RFTN1: variants seen among roughly 807,000 people sequenced by gnomAD.
RFTN1 encodes raftlin, lipid raft linker 1, also known as raftlin.
A neutral mutation model predicts 46.5 loss-of-function variants in RFTN1; 26 were observed. That is an observed-to-expected ratio of 0.56 (90% CI 0.41 to 0.78). RFTN1 has a LOEUF of 0.78. RFTN1 is among the 30% of genes least tolerant of loss of function. The pLI is 0.00. For synonymous variants in RFTN1, 261 were observed against 284.2 expected, an observed-to-expected ratio of 0.92 and a Z score of 0.82; for missense variants, 693 against 718.7, an observed-to-expected ratio of 0.96 and a Z score of 0.41.
At position 16,484,242 on chromosome 3, in the gene RFTN1, T is replaced by G. The variant is rs1292857891; in HGVS notation, c.145+9483A>C. Among the ~76,000 whole-genome samples the G allele has an allele frequency of 6.6e-6, 1 of 152,202 alleles. No homozygotes were observed. Among genetic ancestry groups the G allele is most frequent in the African/African-American group, 2.4e-5 (1 of 41,444 alleles). ...GAAGGGAGACTGAAAGGACAACTCT[T>G]ATAAACAATGATTATCAGCTGCTTC... On this transcript the variant is annotated intron_variant, in intron 2 of 9. Transcript: ENST00000334133. The surrounding 1 kb of genome is among the most constrained non-coding windows in gnomAD (Gnocchi z 4.6).
chr3:16,390,822 T>C (rs28499445), intron 4 of RFTN1, among the ~76,000 whole-genome samples: 1,635 of 152,304 alleles, frequency 0.011, 24 homozygotes, highest in African/African-American at 0.036. Context: ...TGGGAAGTCA[T>C]TGGAAACAAA....
At chr3:16,398,384 G>A (rs552129865) in intron 4 of RFTN1, among the ~76,000 whole-genome samples, 4 of 152,002 alleles carry the variant, frequency 2.6e-5, no homozygotes, top group Admixed American at 2.6e-4. Context: ...GCAATCAAGA[G>A]CCATTGGCTT....
chr3:16,423,460 G>GTTTTAGAAGAC (rs2075231473), intron 3 of RFTN1, among the ~76,000 whole-genome samples: 2 of 152,190 alleles, frequency 1.3e-5, no homozygotes, highest in South Asian at 4.1e-4. Flanking sequence ...AACAATTAAA[G>GTTTTAGAAGAC]AGGAATGCTA....
chr3:16,493,398 AC>A (rs1340206701), intron 2 of RFTN1, among the ~76,000 whole-genome samples: 1 of 152,042 alleles, frequency 6.6e-6, no homozygotes, highest in Non-Finnish European at 1.5e-5. Flanking sequence ...CGCCTGGCTA[AC>A]TTTTTGCATT....
chr3:16,443,782 C>T lies in RFTN1; in HGVS notation c.146-9745G>A, dbSNP rs1488479654. Among the ~76,000 whole-genome samples, 1 of 151,026 alleles carries T rather than the reference C, an allele frequency of 6.6e-6. No individual in the cohort carries two copies. On this transcript the variant is annotated intron_variant, in intron 2 of 9. Coordinates refer to ENST00000334133, the MANE Select transcript of RFTN1 (RefSeq NM_015150.2). The surrounding 1 kb of genome is among the most constrained non-coding windows in gnomAD (Gnocchi z 5.5). Reference sequence around the variant, plus strand: ...ACACACACACACACACACACACACACACCACTGTACTGTAAAAATTCAGTG... The same window carrying T: ...ACACACACACACACACACACACACATACCACTGTACTGTAAAAATTCAGTG...
intron 7 of RFTN1, chr3:16,349,387 C>T (rs2071942506): frequency 6.6e-6 from 1 of 152,086 alleles, no homozygotes; most frequent in Admixed American, 6.5e-5. Context: ...GAAGGGGGTA[C>T]CTGAGCCTCC....
chr3:16,450,097 T>C lies in RFTN1; in HGVS notation c.146-16060A>G, dbSNP rs369297869. On this transcript the variant is annotated intron_variant, in intron 2 of 9. Transcript: ENST00000334133. The surrounding 1 kb of genome is among the most constrained non-coding windows in gnomAD (Gnocchi z 4.6). Reference sequence around the variant, plus strand: ...ACTCTCCATGCCTGTCTTAAATCCATCCCAATTTGTAAAATTAAATGTGCA... The same window carrying C: ...ACTCTCCATGCCTGTCTTAAATCCACCCCAATTTGTAAAATTAAATGTGCA... 9.9e-5 allele frequency among the ~76,000 whole-genome samples: 15 copies of C among 152,138 alleles called. No individual in the cohort carries two copies. Among genetic ancestry groups the C allele is most frequent in the Non-Finnish European group, 2.1e-4 (14 of 68,022 alleles).
At position 16,465,121 on chromosome 3, in the gene RFTN1, C is replaced by T. The variant is rs2076066951; in HGVS notation, c.145+28604G>A. ...TGTCTCAGCGAACACAATTAAGGGT[C>T]TTTCTATTTTTGGAATATTTGGGGA... On this transcript the variant is annotated intron_variant, in intron 2 of 9. Transcript: ENST00000334133. This position sits in a 1 kb window ranked among gnomAD's most constrained non-coding sequence, Gnocchi z 5.1. Among the ~76,000 whole-genome samples the T allele has an allele frequency of 1.3e-5, 2 of 151,280 alleles. No individual in the cohort carries two copies. Among genetic ancestry groups the T allele is most frequent in the Admixed American group, 6.6e-5 (1 of 15,190 alleles).
rs1472952261 is a variant in RFTN1, at chr3:16,507,145, GT to G, written c.-9+6296del. On this transcript the variant is annotated intron_variant, in intron 1 of 9. Coordinates refer to ENST00000334133, the MANE Select transcript of RFTN1 (RefSeq NM_015150.2). This position sits in a 1 kb window ranked among gnomAD's most constrained non-coding sequence, Gnocchi z 7.1. ...TAGGGTGAGGACTAAATAAGGTAGG[GT>G]GAGTTACTATTTAACAGGGCTCAGA... Among the ~76,000 whole-genome samples the G allele has an allele frequency of 6.6e-6, 1 of 152,174 alleles. No individual in the cohort carries two copies. Among genetic ancestry groups the G allele is most frequent in the Non-Finnish European group, 1.5e-5 (1 of 68,034 alleles).
At chr3:16,431,180 C>T (rs1448651827) in intron 3 of RFTN1, among the ~76,000 whole-genome samples, 2 of 152,212 alleles carry the variant, frequency 1.3e-5, no homozygotes, top group African/African-American at 2.4e-5. Context: ...CAGCCTAGAA[C>T]GCAGGCCTCC....
chr3:16,463,160 G>T, intron 2 of RFTN1, among the ~76,000 whole-genome samples: 1 of 152,276 alleles, frequency 6.6e-6, no homozygotes, highest in Middle Eastern at 3.4e-3. Flanking sequence ...CTTGGAGTTT[G>T]TACAACTTCT....
At position 16,337,772 on chromosome 3, in the gene RFTN1, C is replaced by T. The variant is rs2071005844; in HGVS notation, c.1147-10896G>A. 2.0e-5 allele frequency among the ~76,000 whole-genome samples: 3 copies of T among 152,052 alleles called. No homozygotes were observed. Among genetic ancestry groups the T allele is most frequent in the African/African-American group, 7.2e-5 (3 of 41,484 alleles). On this transcript the variant is annotated intron_variant, in intron 7 of 9. Transcript: ENST00000334133. This position sits in a 1 kb window ranked among gnomAD's most constrained non-coding sequence, Gnocchi z 5.0. Reference sequence around the variant, plus strand: ...AAAAAAAAAAAGAAAAGAAAGTCACCTCATTTGATTTGAGAGAAATACAAT... The same window carrying T: ...AAAAAAAAAAAGAAAAGAAAGTCACTTCATTTGATTTGAGAGAAATACAAT...
chr3:16,462,036 C>G (rs1345590615), intron 2 of RFTN1, among the ~76,000 whole-genome samples: 1 of 152,194 alleles, frequency 6.6e-6, no homozygotes, highest in Non-Finnish European at 1.5e-5. Context: ...AGCAGTCCAA[C>G]CAGAAATTCA....
In RFTN1 at chr3:16,377,784, C is replaced by G. The variant is rs776654665; in HGVS notation, c.760G>C (p.Val254Leu). Residue 254 changes from valine to leucine, a missense_variant, in exon 5 of 10, where the codon GTG (valine) becomes CTG (leucine). Val to Leu is a conservative substitution (Grantham distance 32, BLOSUM62 1). Transcript: ENST00000334133. ...TCCGGTCCATCCAGTGTCTTGCTCACCCCCTGTGGTGAAAGTTCTCCACCA... is the reference window on the plus strand; with the variant it reads ...TCCGGTCCATCCAGTGTCTTGCTCAGCCCCTGTGGTGAAAGTTCTCCACCA... ...GDGGELSPQG[V>L]SKTLDGPESN... 1.9e-5 allele frequency: 30 copies of G among 1,614,002 alleles called. No homozygotes were observed. The highest frequency in any genetic ancestry group is 8.3e-5 in the Admixed American group (5 of 60,004).
chr3:16,360,216 G>A lies in RFTN1; in HGVS notation c.1031-2169C>T, dbSNP rs1392930689. 6.6e-5 allele frequency among the ~76,000 whole-genome samples: 10 copies of A among 151,468 alleles called. No individual in the cohort carries two copies. The South Asian group carries it at 1.5e-3, about 22-fold the overall frequency. On this transcript the variant is annotated intron_variant, in intron 6 of 9. Transcript: ENST00000334133. ...AGGTAGGGTCTCACTCTGTCTCTTA[G>A]ACTGGAGTGCCATGGCACAATCACG...
rs1013330060 is a variant in RFTN1, at chr3:16,400,636, G to A, written c.441+8739C>T. On this transcript the variant is annotated intron_variant, in intron 4 of 9. Transcript: ENST00000334133. The surrounding 1 kb of genome is among the most constrained non-coding windows in gnomAD (Gnocchi z 4.5). Reference sequence around the variant, plus strand: ...GATTCCCGCAGAGGGAGAAAATGAAGCACAAGAAAGTATCTCCTTTTTTGG... The same window carrying A: ...GATTCCCGCAGAGGGAGAAAATGAAACACAAGAAAGTATCTCCTTTTTTGG... Among the ~76,000 whole-genome samples the A allele has an allele frequency of 6.6e-6, 1 of 152,214 alleles. No individual in the cohort carries two copies. Among genetic ancestry groups the A allele is most frequent in the Non-Finnish European group, 1.5e-5 (1 of 68,038 alleles).
intron 4 of RFTN1, 121 bp downstream of exon 4, chr3:16,409,254 A>AG (rs2074931782): frequency 3.1e-6 from 2 of 649,306 alleles, no homozygotes; most frequent in Admixed American, 5.0e-5. Flanking sequence ...CCAAAGGTTT[A>AG]GGTCACAGCT....
rs1263817489 is a variant in RFTN1 at position 16,483,667 on chromosome 3, A to AT, written c.145+10057dup. 9.2e-5 allele frequency among the ~76,000 whole-genome samples: 14 copies of AT among 152,338 alleles called. No homozygotes were observed. Among genetic ancestry groups the AT allele is most frequent in the Admixed American group, 8.5e-4 (13 of 15,312 alleles). On this transcript the variant is annotated intron_variant, in intron 2 of 9. Transcript: ENST00000334133. This position sits in a 1 kb window ranked among gnomAD's most constrained non-coding sequence, Gnocchi z 4.8. ...GAAAGTAAGTTATGATTTGGTCATA[A>AT]TACATAGGTAGGTAAGTAAACATTT...
At position 16,387,570 on chromosome 3, in the gene RFTN1, T is replaced by TCTCTCTCTCTC. The variant is rs2074222998; in HGVS notation, c.442-9469_442-9468insGAGAGAGAGAG. On this transcript the variant is annotated intron_variant, in intron 4 of 9. Transcript: ENST00000334133. This position sits in a 1 kb window ranked among gnomAD's most constrained non-coding sequence, Gnocchi z 5.2. ...CACTTCTCTCTTCTATATCCTCAAT[T>TCTCTCTCTCTC]TCTCTCTCTCTCTCTCTCTCTCTCT... 1.7e-5 allele frequency among the ~76,000 whole-genome samples: 2 copies of TCTCTCTCTCTC among 116,418 alleles called. No homozygotes were observed. The highest frequency in any genetic ancestry group is 8.5e-5 in the Admixed American group (1 of 11,810). The allele number at this position is 116,418 out of a possible 152,430, so 76.4% of individuals were successfully genotyped here.
Sources: gnomAD v4.1 joint callset for allele counts (sites outside exome capture counted in the v4.1 genomes callset) on GRCh38, gnomAD v4.1.1 for gene constraint, Gnocchi (gnomAD v3.1) non-coding constraint, MANE v1.5 for transcripts, NCBI Gene and HGNC (gene_info 2026-07-23, HGNC 2026-07-21) for gene names.